The following SKP2 variants were observed in gnomAD, a reference collection of about 807,000 sequenced individuals.
SKP2 encodes S-phase kinase associated protein 2, also known as S-phase kinase-associated protein 2.
SKP2 carries 16 observed loss-of-function variants against 51.8 expected under a neutral mutation model. The ratio of observed to expected loss-of-function variants is 0.31; its 90% CI spans 0.21 to 0.47. The LOEUF is 0.47. Among genes scored for constraint, SKP2 ranks in the 20% least tolerant of loss-of-function variants. SKP2 has a pLI of 1.00. For synonymous variants in SKP2, 176 were observed against 198.6 expected (o/e 0.89, Z 0.96); for missense variants, 377 against 505.3 (o/e 0.75, Z 2.43).
chr5:36,180,102 TC>T (rs1255482779), intron 9 of SKP2: 1 of 448,132 alleles, frequency 2.2e-6, no homozygotes, highest in African/African-American at 2.0e-5. Flanking sequence ...GAACATGTCC[TC>T]CTCTGCCATC....
rs1745907211 is a variant in SKP2, at chr5:36,184,173, C to T, written c.*2142C>T. ...CTTCAAAACAGAGCCCTGAGATGGT[C>T]CTTTTTGACCCATCTACTTCATATG... On this transcript the variant is annotated 3_prime_UTR_variant, in exon 10 of 10. Coordinates refer to ENST00000274255, the MANE Select transcript of SKP2 (RefSeq NM_005983.4). 6.9e-6 allele frequency: 3 copies of T among 437,684 alleles called. No individual in the cohort carries two copies. In the South Asian group the frequency reaches 1.7e-4, roughly 24 times the overall value. 27.1% of individuals were successfully genotyped at this position (437,684 alleles called of 1,614,324 possible).
chr5:36,168,691 G>A (rs184023566), intron 5 of SKP2, among the ~76,000 whole-genome samples: 1 of 152,344 alleles, frequency 6.6e-6, no homozygotes, highest in East Asian at 1.9e-4. Context: ...CAATGCATGT[G>A]TATTATTTGG....
chr5:36,190,720 C>T (rs890496976), intron 6 of SKP2, among the ~76,000 whole-genome samples: 2 of 146,850 alleles, frequency 1.4e-5, no homozygotes, highest in Non-Finnish European at 3.0e-5. Flanking sequence ...TATGATGGAC[C>T]CCATCTTCCA....
At chr5:36,158,999 T>G (rs1340748059) in intron 2 of SKP2, among the ~76,000 whole-genome samples, 1 of 148,988 alleles carries the variant, frequency 6.7e-6, no homozygotes, top group Admixed American at 6.6e-5. Flanking sequence ...AATTAGCACA[T>G]TCACCATTTG....
At position 36,157,888 on chromosome 5, in the gene SKP2, G is replaced by A. The variant is rs141433621; in HGVS notation, c.280+4846G>A. Among the ~76,000 whole-genome samples, 106 of 152,320 alleles carry A rather than the reference G, an allele frequency of 7.0e-4. 4 individuals carry two copies. In the East Asian group the frequency reaches 0.018, roughly 25 times the overall value. On this transcript the variant is annotated intron_variant, in intron 2 of 9. Coordinates refer to ENST00000274255, the MANE Select transcript of SKP2 (RefSeq NM_005983.4). ...TCTGAGAAATAAATATGTCAAGTAAGATGAGTTACCTACACTGCAAAGATG... is the reference window on the plus strand; with the variant it reads ...TCTGAGAAATAAATATGTCAAGTAAAATGAGTTACCTACACTGCAAAGATG...
intron 6 of SKP2, 90 bp from the exon 7 acceptor site, chr5:36,171,513 T>G: frequency 8.6e-7 from 1 of 1,168,022 alleles, no homozygotes; most frequent in Non-Finnish European, 1.3e-6. Context: ...AAGGAATCCA[T>G]GGTTTTATAT....
chr5:36,180,495 C>G (rs1230104887), intron 9 of SKP2, among the ~76,000 whole-genome samples: 1 of 152,130 alleles, frequency 6.6e-6, no homozygotes, highest in Non-Finnish European at 1.5e-5. Flanking sequence ...TAGCCTTCAT[C>G]TTGTACTCAG....
chr5:36,183,595 CTAGTT>C lies in SKP2; in HGVS notation c.*1567_*1571del. The C allele has an allele frequency of 9.0e-7, 1 of 1,114,194 alleles. No homozygotes were observed. Among genetic ancestry groups the C allele is most frequent in the Non-Finnish European group, 1.1e-6 (1 of 914,590 alleles). 69.0% of individuals were successfully genotyped at this position (1,114,194 alleles called of 1,614,324 possible). On this transcript the variant is annotated 3_prime_UTR_variant, in exon 10 of 10. Transcript: ENST00000274255. ...TTCTACTTCTTAAAAATCACAAAAA[CTAGTT>C]TAAATTGATGACTTGTTCGTATGTT...
chr5:36,168,669 T>A (rs13190112), intron 5 of SKP2, among the ~76,000 whole-genome samples: 118,930 of 152,182 alleles, frequency 0.78, 47,848 homozygotes, highest in Non-Finnish European at 0.88. Context: ...GAGATACAAG[T>A]ACAAGGATGA....
chr5:36,154,651 C>A (rs1184337888), intron 2 of SKP2, among the ~76,000 whole-genome samples: 2 of 152,202 alleles, frequency 1.3e-5, no homozygotes, highest in Non-Finnish European at 2.9e-5. Flanking sequence ...GCCTCAGCCT[C>A]CTAAGTAACT....
At chr5:36,184,586 A>G (rs1745923203), downstream of SKP2, among the ~76,000 whole-genome samples, 1 of 152,236 alleles carries the variant, frequency 6.6e-6, no homozygotes, top group Non-Finnish European at 1.5e-5. Flanking sequence ...TACAAAGGAC[A>G]TGAACTCATC....
chr5:36,169,510 A>C (rs1745401769), intron 5 of SKP2, among the ~76,000 whole-genome samples: 1 of 152,188 alleles, frequency 6.6e-6, no homozygotes, highest in African/African-American at 2.4e-5. Context: ...GGAACAAGTC[A>C]AGAGTTGAAA....
Position 36,152,188 on chromosome 5 carries a change from C to G in SKP2, c.-75C>G, listed in dbSNP as rs1744748521. 1.3e-6 allele frequency: 2 copies of G among 1,558,650 alleles called. No homozygotes were observed. Among genetic ancestry groups the G allele is most frequent in the Non-Finnish European group, 1.8e-6 (2 of 1,130,908 alleles). ...GCAGCACGCTCGGAGCCGCCGCGCGCCAAAGCGGGAATCTGGGAGGCGAGC... is the reference window on the plus strand; with the variant it reads ...GCAGCACGCTCGGAGCCGCCGCGCGGCAAAGCGGGAATCTGGGAGGCGAGC... On this transcript the variant is annotated 5_prime_UTR_variant, in exon 1 of 10. Transcript: ENST00000274255.
In SKP2 at chr5:36,154,638, C is replaced by T. The variant is rs955513089; in HGVS notation, c.280+1596C>T. On this transcript the variant is annotated intron_variant, in intron 2 of 9. Transcript: ENST00000274255. ...TCTTCACCTGGATTCGAACGATTCT[C>T]CTGCCTCAGCCTCCTAAGTAACTGA... Among the ~76,000 whole-genome samples the T allele has an allele frequency of 2.0e-5, 3 of 152,216 alleles. No homozygotes were observed. The East Asian group carries it at 5.8e-4, about 29-fold the overall frequency.
At chr5:36,190,683 C>CAAAAAGAAAAAAA (rs1746002588) in intron 6 of SKP2, among the ~76,000 whole-genome samples, 1 of 81,190 alleles carries the variant, frequency 1.2e-5, no homozygotes, top group African/African-American at 5.3e-5. Context: ...CAAACATATG[C>CAAAAAGAAAAAAA]AAAAAAAAAA....
intron 7 of SKP2, chr5:36,193,529 T>C (rs1459537697): frequency 1.4e-5 from 2 of 147,652 alleles, no homozygotes; most frequent in African/African-American, 5.0e-5. Context: ...GGAGGTTCTA[T>C]AGTATGGAGC....
Position 36,173,039 on chromosome 5 carries a change from G to A in SKP2, c.901+1306G>A, listed in dbSNP as rs371157157. On this transcript the variant is annotated intron_variant, in intron 7 of 9. Transcript: ENST00000274255. ...TTAACATCTTGCTAGGCTTTTTCCT[G>A]TACAAAAACTGTTTTTTTTTTTAAT... Among the ~76,000 whole-genome samples, 6 of 150,618 alleles carry A rather than the reference G, an allele frequency of 4.0e-5. No individual in the cohort carries two copies. In the East Asian group the frequency reaches 9.7e-4, roughly 24 times the overall value.
chr5:36,176,307 T>C (rs1042891807), intron 7 of SKP2, among the ~76,000 whole-genome samples: 2 of 151,908 alleles, frequency 1.3e-5, no homozygotes, highest in Admixed American at 1.3e-4. Flanking sequence ...TCTGATACTT[T>C]TTAAATTGTT....
intron 2 of SKP2, among the ~76,000 whole-genome samples, chr5:36,158,462 TTAG>T (rs1159577378): frequency 2.6e-5 from 4 of 152,158 alleles, no homozygotes; most frequent in African/African-American, 9.7e-5. Context: ...GCCCCTAGGA[TTAG>T]TGTCATTCTG....
Sources: gnomAD v4.1 joint callset for allele counts (sites outside exome capture counted in the v4.1 genomes callset) on GRCh38, gnomAD v4.1.1 for gene constraint, MANE v1.5 for transcripts, NCBI Gene and HGNC (gene_info 2026-07-23, HGNC 2026-07-21) for gene names.